ADAM9: variants seen among roughly 807,000 people sequenced by gnomAD.
ADAM9 encodes the protein ADAM metallopeptidase domain 9, also known as disintegrin and metalloproteinase domain-containing protein 9.
ADAM9 carries 54 observed loss-of-function variants against 108.1 expected under a neutral mutation model. The observed-to-expected ratio is 0.50, with a 90% CI of 0.40 to 0.63. ADAM9 has a LOEUF of 0.63. ADAM9 is among the 20% of genes least tolerant of loss of function. ADAM9 has a pLI of 0.00. For missense variants in ADAM9, 830 were observed against 997.7 expected (o/e 0.83, Z 2.26); for synonymous variants, 316 against 336.0 (o/e 0.94, Z 0.65).
intron 1 of ADAM9, among the ~76,000 whole-genome samples, chr8:39,005,892 C>T (rs891393451): frequency 1.3e-5 from 2 of 152,174 alleles, no homozygotes; most frequent in South Asian, 4.1e-4. Context: ...TTTTAATTGG[C>T]TTTGATGGAA....
chr8:39,080,084 C>T (rs1425847239), intron 16 of ADAM9, among the ~76,000 whole-genome samples: 3 of 151,928 alleles, frequency 2.0e-5, no homozygotes, highest in Non-Finnish European at 1.5e-5. Flanking sequence ...CTTCCTCTTG[C>T]AGTATTACAC....
chr8:39,065,196 ATC>A (rs1035961525), intron 14 of ADAM9, among the ~76,000 whole-genome samples: 5 of 139,846 alleles, frequency 3.6e-5, no homozygotes, highest in African/African-American at 1.4e-4. Flanking sequence ...CTGTCTTTTT[ATC>A]TGTGTTTTTT....
At chr8:39,092,331 T>TACACACACACACAC (rs71552833) in intron 20 of ADAM9, among the ~76,000 whole-genome samples, 2 of 148,700 alleles carry the variant, frequency 1.3e-5, no homozygotes, top group East Asian at 2.0e-4. Context: ...AATATATTTA[T>TACACACACACACAC]ACACACACAC....
Position 39,017,283 on chromosome 8 carries a change from G to A in ADAM9, c.475G>A (p.Glu159Lys). The change falls in exon 6 of 22, where the codon GAG becomes AAG. Residue 159 changes from glutamate to lysine, a missense_variant. Physicochemically the swap from Glu to Lys is moderately conservative, Grantham distance 56 (BLOSUM62 1). Transcript: ENST00000487273. The stretch of plus-strand genomic sequence containing the variant: ...ACCCCTGCAGAACAGCTCTCATTTT[G>A]AGCACATCATTTATCGAATGGATGA... ...IEPLQNSSHF[E>K]HIIYRMDDVY... 6.2e-7 allele frequency: 1 copy of A among 1,614,112 alleles called. No homozygotes were observed. Among genetic ancestry groups the A allele is most frequent in the Non-Finnish European group, 8.5e-7 (1 of 1,180,020 alleles).
chr8:39,080,127 G>A (rs1405704086), intron 16 of ADAM9, among the ~76,000 whole-genome samples: 1 of 151,980 alleles, frequency 6.6e-6, no homozygotes, highest in African/African-American at 2.4e-5. Context: ...GTGTGTGTGT[G>A]TGTGCACATA....
chr8:39,079,042 C>A (rs924599495), intron 16 of ADAM9, among the ~76,000 whole-genome samples: 2 of 152,098 alleles, frequency 1.3e-5, no homozygotes, highest in Non-Finnish European at 2.9e-5. Flanking sequence ...GGAGGCTAAA[C>A]AATTGGAGAT....
chr8:39,017,355 G>A lies in ADAM9; in HGVS notation c.547G>A (p.Glu183Lys). ...LKCGVSNKDI[E>K]KETAKDEEEE... ...ATGTGGAGTTTCCAACAAGGATATAGAGAAAGAAACTGCAAAGGATGAAGA... is the reference window on the plus strand; with the variant it reads ...ATGTGGAGTTTCCAACAAGGATATAAAGAAAGAAACTGCAAAGGATGAAGA... Residue 183 changes from glutamate (E) to lysine (K), a missense_variant, in exon 6 of 22, where the codon GAG (glutamate) becomes AAG (lysine). By Grantham distance (56) the Glu-to-Lys change is moderately conservative. Coordinates refer to ENST00000487273, the MANE Select transcript of ADAM9 (RefSeq NM_003816.3). 3.1e-6 allele frequency: 5 copies of A among 1,614,090 alleles called. No individual in the cohort carries two copies.
chr8:38,998,125 A>G (rs959079597), intron 1 of ADAM9, among the ~76,000 whole-genome samples: 1 of 152,262 alleles, frequency 6.6e-6, no homozygotes, highest in Non-Finnish European at 1.5e-5. Flanking sequence ...ATTGATTGAA[A>G]GTTATTCAAA....
At chr8:39,089,699 C>T (rs1038428470) in intron 18 of ADAM9, 1 of 267,794 alleles carries the variant, frequency 3.7e-6, no homozygotes, top group Non-Finnish European at 7.3e-6. Context: ...ACGAGGAGGT[C>T]CACTATGTAC....
chr8:39,022,849 G>T (rs996061458), intron 8 of ADAM9, among the ~76,000 whole-genome samples: 3 of 152,028 alleles, frequency 2.0e-5, no homozygotes, highest in African/African-American at 7.3e-5. Context: ...AAGTAGCTGG[G>T]TTTACAGGTG....
intron 14 of ADAM9, among the ~76,000 whole-genome samples, chr8:39,056,592 T>C (rs1429893552): frequency 1.3e-5 from 2 of 152,204 alleles, no homozygotes; most frequent in African/African-American, 4.8e-5. Context: ...GCCACATTAA[T>C]GCTCTTCACA....
intron 3 of ADAM9, among the ~76,000 whole-genome samples, chr8:39,013,574 C>G (rs1836429059): frequency 6.7e-6 from 1 of 150,064 alleles, no homozygotes; most frequent in Non-Finnish European, 1.5e-5. Flanking sequence ...ATGATCATAG[C>G]TCACTGCAGC....
intron 12 of ADAM9, among the ~76,000 whole-genome samples, chr8:39,043,779 A>G (rs983020434): frequency 3.9e-5 from 6 of 152,050 alleles, no homozygotes; most frequent in Non-Finnish European, 5.9e-5. Context: ...CACCCCTCCC[A>G]TGCTCCCACT....
chr8:39,103,660 G>C lies in ADAM9; in HGVS notation c.2420G>C (p.Arg807Pro), dbSNP rs147636313. The change falls in exon 22 of 22, where the codon CGT (arginine) becomes CCT (proline). Residue 807 changes from arginine (R) to proline (P), a missense_variant. By Grantham distance (103) the Arg-to-Pro change is moderately radical. Transcript: ENST00000487273. Reference sequence around the variant, plus strand: ...TCTCAGGGAAACTTAATTCCTGCCCGTCCTGCTCCTGCACCTCCTTTATAT... The same window carrying C: ...TCTCAGGGAAACTTAATTCCTGCCCCTCCTGCTCCTGCACCTCCTTTATAT... ...VSSQGNLIPA[R>P]PAPAPPLYSS... The C allele has an allele frequency of 6.8e-6, 11 of 1,613,774 alleles. No homozygotes were observed. The highest frequency in any genetic ancestry group is 7.6e-6 in the Non-Finnish European group (9 of 1,179,992).
intron 21 of ADAM9, among the ~76,000 whole-genome samples, chr8:39,102,858 T>C (rs968976262): frequency 2.6e-5 from 4 of 152,232 alleles, no homozygotes; most frequent in Non-Finnish European, 5.9e-5. Context: ...GGAAGGAAGA[T>C]AATTTATTAC....
Position 39,103,966 on chromosome 8 carries a change from A to C in ADAM9, c.*266A>C, listed in dbSNP as rs1385151792. 1.6e-6 allele frequency: 1 copy of C among 616,334 alleles called. No individual in the cohort carries two copies. Among genetic ancestry groups the C allele is most frequent in the Non-Finnish European group, 3.0e-6 (1 of 332,688 alleles). 38.2% of individuals were successfully genotyped at this position (616,334 alleles called of 1,614,324 possible). A position where few individuals can be genotyped will look rare whatever the true frequency, so the allele number is the denominator to read the frequency against. ...ATTCAGTCATCGGTGAGGTTAATGC[A>C]CTAATCATGGATTTTTTGAACATGT... On this transcript the variant is annotated 3_prime_UTR_variant, in exon 22 of 22. Transcript: ENST00000487273.
intron 10 of ADAM9, among the ~76,000 whole-genome samples, chr8:39,026,268 C>T (rs569196190): frequency 2.6e-4 from 39 of 152,274 alleles, no homozygotes; most frequent in Non-Finnish European, 4.6e-4. Flanking sequence ...CCCCACCTCC[C>T]GACAGGCCCC....
intron 7 of ADAM9, among the ~76,000 whole-genome samples, chr8:39,019,139 AT>A (rs200002472): frequency 5.3e-5 from 8 of 151,410 alleles, no homozygotes; most frequent in Non-Finnish European, 7.4e-5. Flanking sequence ...TTTATTAATG[AT>A]TTTTTTTTCT....
chr8:39,012,038 A>G (rs1466788634), intron 3 of ADAM9, among the ~76,000 whole-genome samples: 2 of 152,226 alleles, frequency 1.3e-5, no homozygotes, highest in Admixed American at 1.3e-4. Flanking sequence ...TGGAAAGACT[A>G]AGGTTCCACA....
Sources: gnomAD v4.1 joint callset for allele counts (sites outside exome capture counted in the v4.1 genomes callset) on GRCh38, gnomAD v4.1.1 for gene constraint, MANE v1.5 for transcripts, NCBI Gene and HGNC (gene_info 2026-07-23, HGNC 2026-07-21) for gene names.